Variants in C11orf65 observed in about 807,000 individuals in gnomAD.
The protein encoded by C11orf65 is chromosome 11 open reading frame 65.
A neutral mutation model predicts 35.3 loss-of-function variants in C11orf65; 38 were observed. That is an observed-to-expected ratio of 1.08 (90% CI 0.83 to 1.41). The LOEUF (loss-of-function observed/expected upper bound fraction) is 1.41. Ranked by LOEUF, C11orf65 falls within the 40% of genes most tolerant of loss-of-function variation. The pLI is 0.00. For synonymous variants in C11orf65, 105 were observed against 114.4 expected, an observed-to-expected ratio of 0.92 and a Z score of 0.53; for missense variants, 370 against 367.1, an observed-to-expected ratio of 1.01 and a Z score of -0.06.
At chr11:108,365,031 T>G (rs1351257434) in intron 2 of C11orf65, 10 of 1,594,542 alleles carry the variant, frequency 6.3e-6, no homozygotes, top group Non-Finnish European at 8.6e-6. Flanking sequence ...TTTCTAAGTA[T>G]GTGATTAAAA....
At position 108,345,819 on chromosome 11, in the gene C11orf65, G is replaced by C. The variant is rs529296539; in HGVS notation, c.227-10527C>G. 1 of 1,613,728 alleles carries C rather than the reference G, an allele frequency of 6.2e-7. No individual in the cohort carries two copies. ...TGCCAAAATTTTCAACCAGTTTTCC[G>C]TTACTTCTGCATGGAAAAATTCTTG... On this transcript the variant is annotated intron_variant, in intron 2 of 3. Coordinates refer to the C11orf65 transcript ENST00000524755.
chr11:108,429,306 T>C (rs1414392212), intron 3 of C11orf65, among the ~76,000 whole-genome samples: 3 of 152,156 alleles, frequency 2.0e-5, no homozygotes, highest in African/African-American at 4.8e-5. Flanking sequence ...GGTAGAGGTA[T>C]AGATGAAATA....
chr11:108,450,944 A>G (rs912441471), intron 2 of C11orf65, among the ~76,000 whole-genome samples: 7 of 151,884 alleles, frequency 4.6e-5, no homozygotes, highest in Admixed American at 3.9e-4. Flanking sequence ...ACGGCCTTCA[A>G]TAAAATTCAA....
At chr11:108,335,878 CAACA>C in intron 2 of C11orf65, 1 of 1,613,902 alleles carries the variant, frequency 6.2e-7, no homozygotes, top group Non-Finnish European at 8.5e-7. Flanking sequence ...TGCTGTCATG[CAACA>C]GGTCTTCCAG....
intron 2 of C11orf65, among the ~76,000 whole-genome samples, chr11:108,346,844 T>A (rs972262057): frequency 2.9e-4 from 44 of 152,258 alleles, no homozygotes; most frequent in African/African-American, 9.6e-4. Context: ...TAATTTGTGT[T>A]AAATATAATT....
At chr11:108,349,154 G>T (rs2088859051) in intron 2 of C11orf65, among the ~76,000 whole-genome samples, 1 of 152,200 alleles carries the variant, frequency 6.6e-6, no homozygotes, top group Non-Finnish European at 1.5e-5. Context: ...AGGAAGTCAG[G>T]ATCTTGGAAG....
In C11orf65 at chr11:108,343,230, CCTCT is replaced by C. The variant is rs775899653; in HGVS notation, c.227-7942_227-7939del. The C allele has an allele frequency of 6.2e-7, 1 of 1,613,814 alleles. No individual in the cohort carries two copies. Among genetic ancestry groups the C allele is most frequent in the Non-Finnish European group, 8.5e-7 (1 of 1,179,886 alleles). On this transcript the variant is annotated intron_variant, in intron 2 of 3. Coordinates refer to the C11orf65 transcript ENST00000524755. ...TTAATCTGTAACTCCAGGTGGTTCC[CCTCT>C]CTCAGCGAAGTGGTGTTCTTGAATG... is the stretch of plus-strand genomic sequence containing the variant.
intron 2 of C11orf65, among the ~76,000 whole-genome samples, chr11:108,439,031 G>A (rs891555488): frequency 6.6e-6 from 1 of 151,924 alleles, no homozygotes; most frequent in Non-Finnish European, 1.5e-5. Context: ...AACTTTTTGT[G>A]CATCAAAGGA....
intron 6 of C11orf65, among the ~76,000 whole-genome samples, chr11:108,322,502 C>T (rs1289171689): frequency 2.0e-5 from 3 of 152,124 alleles, no homozygotes; most frequent in African/African-American, 7.2e-5. Context: ...AGTAAACATT[C>T]AGTGGATAGT....
intron 2 of C11orf65, among the ~76,000 whole-genome samples, chr11:108,377,165 G>C (rs2138184823): frequency 6.6e-6 from 1 of 151,724 alleles, no homozygotes; most frequent in Middle Eastern, 3.4e-3. Flanking sequence ...AAGCCGAGCA[G>C]AGACACAACC....
At chr11:108,376,960 A>G (rs1361009457) in intron 2 of C11orf65, among the ~76,000 whole-genome samples, 1 of 152,076 alleles carries the variant, frequency 6.6e-6, no homozygotes, top group Non-Finnish European at 1.5e-5. Flanking sequence ...TAGACCAATA[A>G]CAGGATCTGA....
chr11:108,433,730 T>C (rs185580368), intron 2 of C11orf65, among the ~76,000 whole-genome samples: 2 of 148,726 alleles, frequency 1.3e-5, no homozygotes, highest in Admixed American at 1.3e-4. Flanking sequence ...CAGGGCTTGT[T>C]AGGCTTGGCC....
At chr11:108,443,220 G>A (rs1309004038) in intron 2 of C11orf65, among the ~76,000 whole-genome samples, 1 of 152,056 alleles carries the variant, frequency 6.6e-6, no homozygotes, top group African/African-American at 2.4e-5. Flanking sequence ...GATCAAAAGA[G>A]ACAAAGAAGG....
chr11:108,333,991 T>G (rs1253819094), intron 3 of C11orf65: 1 of 1,549,964 alleles, frequency 6.5e-7, no homozygotes. Flanking sequence ...TAACTCTTGA[T>G]TTTTTTTAAA....
At chr11:108,401,809 GA>G (rs936316920) in intron 6 of C11orf65, among the ~76,000 whole-genome samples, 11 of 152,218 alleles carry the variant, frequency 7.2e-5, no homozygotes, top group Non-Finnish European at 1.6e-4. Flanking sequence ...GTATACCAGA[GA>G]AGTTCCAGCA....
At chr11:108,359,234 A>T (rs2090412894) in intron 2 of C11orf65, among the ~76,000 whole-genome samples, 6 of 151,676 alleles carry the variant, frequency 4.0e-5, no homozygotes, top group Admixed American at 3.9e-4. Context: ...TCAATTCAAC[A>T]AGAAGAGCTA....
At chr11:108,442,776 GA>G (rs549731178) in intron 2 of C11orf65, among the ~76,000 whole-genome samples, 23 of 152,324 alleles carry the variant, frequency 1.5e-4, no homozygotes, top group Admixed American at 4.6e-4. Context: ...AGCAAATGCT[GA>G]GAGATTTTGT....
At chr11:108,389,454 T>C (rs376472740) in intron 7 of C11orf65, among the ~76,000 whole-genome samples, 1 of 152,226 alleles carries the variant, frequency 6.6e-6, no homozygotes, top group Admixed American at 6.5e-5. Context: ...CAAGGCTCAA[T>C]GTAAAACCTT....
chr11:108,310,154 C>G (rs2136010757), intron 6 of C11orf65: 1 of 1,611,978 alleles, frequency 6.2e-7, no homozygotes, highest in South Asian at 1.1e-5. Context: ...TCTCATTTTT[C>G]TTTAGACCTT....
Sources: allele counts gnomAD v4.1 joint callset (sites outside exome capture counted in the v4.1 genomes callset), GRCh38; gene constraint gnomAD v4.1.1; transcripts MANE v1.5; gene names NCBI Gene and HGNC (gene_info 2026-07-23, HGNC 2026-07-21).